FAM120C: variants seen among roughly 807,000 people sequenced by gnomAD.
FAM120C encodes constitutive coactivator of PPAR-gamma-like protein 2.
A neutral mutation model predicts 71.2 loss-of-function variants in FAM120C; 14 were observed. The ratio of observed to expected loss-of-function variants is 0.20; its 90% CI spans 0.13 to 0.31. The LOEUF is 0.31. Among genes scored for constraint, FAM120C ranks in the 10% least tolerant of loss-of-function variants. The pLI is 1.00. For missense variants in FAM120C, 500 were observed against 879.0 expected (o/e 0.57, Z 5.45); for synonymous variants, 354 against 353.2 (o/e 1.00, Z -0.03).
rs782294795 is a variant in FAM120C, at chrX:54,157,745, G to A, written c.973C>T (p.Leu325=). The stretch of plus-strand genomic sequence containing the variant: ...AAGAGGCTCCAGTGAAAAGCAGCCA[G>A]GTCCTCATCTGGGAGGATGTGGTTA... ...LGNHILPDED[L]AAFHWSLLGP... The change falls in exon 3 of 16, where the codon CTG becomes TTG. Residue 325 remains leucine, a synonymous_variant. Coordinates refer to ENST00000375180, the MANE Select transcript of FAM120C (RefSeq NM_017848.6). The A allele has an allele frequency of 2.5e-6, 3 of 1,206,646 alleles. No homozygotes were observed. In the South Asian group the frequency reaches 5.3e-5, roughly 21 times the overall value.
At chrX:54,166,873 C>T (rs1480203564) in intron 1 of FAM120C, among the ~76,000 whole-genome samples, 1 of 111,043 alleles carries the variant, frequency 9.0e-6, no homozygotes, top group Admixed American at 9.6e-5. Flanking sequence ...ATCATATATC[C>T]TTTTGTATCT....
intron 11 of FAM120C, among the ~76,000 whole-genome samples, chrX:54,090,239 C>CTTTTT (rs201924234): frequency 0.01 from 1,056 of 100,829 alleles, 9 homozygotes; most frequent in African/African-American, 0.033. Flanking sequence ...CCTTGCCCTT[C>CTTTTT]TTTTTTTTTG....
At chrX:54,177,427 C>T (rs1487692236) in intron 1 of FAM120C, among the ~76,000 whole-genome samples, 1 of 110,941 alleles carries the variant, frequency 9.0e-6, no homozygotes, top group Non-Finnish European at 1.9e-5. Flanking sequence ...ACATTTCTGA[C>T]GTAGAACTCA....
At chrX:54,083,997 G>A (rs782735124) in intron 13 of FAM120C, among the ~76,000 whole-genome samples, 29 of 111,178 alleles carry the variant, frequency 2.6e-4, no homozygotes, top group Non-Finnish European at 5.1e-4. Context: ...TGGATTACAG[G>A]TATGAGCCAC....
chrX:54,079,396 T>A (rs1281969880), intron 15 of FAM120C, among the ~76,000 whole-genome samples: 1 of 110,826 alleles, frequency 9.0e-6, no homozygotes, highest in Non-Finnish European at 1.9e-5. Flanking sequence ...GCTGTGATTG[T>A]GCCACTGCAC....
chrX:54,142,302 G>A (rs1277506569), intron 4 of FAM120C, among the ~76,000 whole-genome samples: 1 of 112,207 alleles, frequency 8.9e-6, no homozygotes, highest in Non-Finnish European at 1.9e-5. Context: ...GAAGCGCAAG[G>A]GGTCGGGGAA....
chrX:54,135,412 T>C (rs1198320740), intron 6 of FAM120C, 116 bp downstream of exon 6: 16 of 639,472 alleles, frequency 2.5e-5, no homozygotes, highest in Non-Finnish European at 3.8e-5. Context: ...GAAGGTAATA[T>C]AGTATATATA....
chrX:54,157,908 T>G, intron 2 of FAM120C, 137 bp from the exon 3 acceptor site: 1 of 442,295 alleles, frequency 2.3e-6, no homozygotes, highest in Non-Finnish European at 4.0e-6. Flanking sequence ...TTACAGTAGT[T>G]CTGTGTTGAT....
chrX:54,158,618 A>G (rs1159811832), intron 2 of FAM120C, among the ~76,000 whole-genome samples: 1 of 111,088 alleles, frequency 9.0e-6, no homozygotes, highest in African/African-American at 3.3e-5. Context: ...AAAATATAAA[A>G]ATTAGCTGGG....
intron 12 of FAM120C, 134 bp from the exon 13 acceptor site, chrX:54,086,050 A>G (rs1190549302): frequency 7.4e-6 from 4 of 537,222 alleles, no homozygotes; most frequent in Non-Finnish European, 1.2e-5. Flanking sequence ...CTGTCGTTAA[A>G]GGGCTCAAAG....
In FAM120C at chrX:54,172,214, C is replaced by A. The variant is rs1313935950; in HGVS notation, c.699+10286G>T. Among the ~76,000 whole-genome samples, 3 of 112,302 alleles carry A rather than the reference C, an allele frequency of 2.7e-5. No homozygotes were observed. In the Admixed American group the frequency reaches 2.8e-4, roughly 11 times the overall value. On this transcript the variant is annotated intron_variant, in intron 1 of 15. Transcript: ENST00000375180. ...GCCAAATATTTTATTTCAATCTCTG[C>A]GGGTGTGGTGAATGCCCTTTGGATG...
chrX:54,143,300 G>A (rs1446016729), intron 4 of FAM120C, among the ~76,000 whole-genome samples: 4 of 90,433 alleles, frequency 4.4e-5, no homozygotes, highest in Non-Finnish European at 9.0e-5. Context: ...CAGAAGGCAA[G>A]AAATAACTAA....
At chrX:54,103,101 G>C in intron 10 of FAM120C, among the ~76,000 whole-genome samples, 1 of 111,637 alleles carries the variant, frequency 9.0e-6, no homozygotes, top group South Asian at 3.8e-4. Context: ...TGCATATGTA[G>C]ATCAATTTGG....
At chrX:54,163,937 TA>T (rs1285608840) in intron 1 of FAM120C, among the ~76,000 whole-genome samples, 13 of 106,890 alleles carry the variant, frequency 1.2e-4, no homozygotes, top group East Asian at 2.9e-4. Context: ...TATATATATA[TA>T]TTTTTTTTTT....
chrX:54,115,844 G>A (rs2146591906), intron 10 of FAM120C, among the ~76,000 whole-genome samples: 1 of 111,773 alleles, frequency 8.9e-6, no homozygotes, highest in East Asian at 2.8e-4. Context: ...CAGAACTTTG[G>A]GAGGCCAAGG....
At chrX:54,112,714 G>T (rs1222632991) in intron 10 of FAM120C, among the ~76,000 whole-genome samples, 1 of 109,009 alleles carries the variant, frequency 9.2e-6, no homozygotes, top group Non-Finnish European at 1.9e-5. Flanking sequence ...GGTGGCGGGC[G>T]CCTGTAGTCC....
intron 9 of FAM120C, among the ~76,000 whole-genome samples, chrX:54,125,324 G>C (rs2067021195): frequency 9.0e-6 from 1 of 110,748 alleles, no homozygotes; most frequent in Admixed American, 9.6e-5. Context: ...TTTAAGACAG[G>C]GTCTCGCTCT....
At chrX:54,160,772 C>A (rs1557134343) in intron 1 of FAM120C, among the ~76,000 whole-genome samples, 2 of 111,229 alleles carry the variant, frequency 1.8e-5, no homozygotes, top group Non-Finnish European at 3.8e-5. Flanking sequence ...TGAGGGCATA[C>A]CTATTATTAC....
rs931391114 is a variant in FAM120C, at chrX:54,126,364, T to C, written c.2062+6328A>G. On this transcript the variant is annotated intron_variant, in intron 9 of 15. Coordinates refer to ENST00000375180, the MANE Select transcript of FAM120C (RefSeq NM_017848.6). The stretch of plus-strand genomic sequence containing the variant: ...AGTTTGAGCTACACGGGTCCACTTA[T>C]GCACAAATTTTTTTCAACCAAACAC... Among the ~76,000 whole-genome samples the C allele has an allele frequency of 1.7e-3, 191 of 112,100 alleles. 1 individual carries two copies. Among genetic ancestry groups the C allele is most frequent in the African/African-American group, 6.1e-3 (187 of 30,907 alleles).
Sources: gnomAD v4.1 joint callset for allele counts (sites outside exome capture counted in the v4.1 genomes callset) on GRCh38, gnomAD v4.1.1 for gene constraint, MANE v1.5 for transcripts, NCBI Gene and HGNC (gene_info 2026-07-23, HGNC 2026-07-21) for gene names.